TMEM266: variants seen among roughly 807,000 people sequenced by gnomAD.
TMEM266 encodes Hv1 related protein 1.
A neutral mutation model predicts 50.5 loss-of-function variants in TMEM266; 33 were observed. That is an observed-to-expected ratio of 0.65 (90% CI 0.50 to 0.87). TMEM266 has a LOEUF of 0.87. Among genes scored for constraint, TMEM266 ranks in the 40% least tolerant of loss-of-function variants. The pLI, the probability that TMEM266 is intolerant of heterozygous loss-of-function variation, is 0.00. For missense variants in TMEM266, 655 were observed against 695.1 expected (o/e 0.94, Z 0.65); for synonymous variants, 310 against 292.3 (o/e 1.06, Z -0.62).
intron 1 of TMEM266, among the ~76,000 whole-genome samples, chr15:76,072,363 G>A (rs2036550352): frequency 6.6e-6 from 1 of 151,466 alleles, no homozygotes; most frequent in Admixed American, 6.6e-5. Flanking sequence ...TCTTGAACCT[G>A]GGAGGTGGAG....
chr15:76,192,713 G>A (rs945460521), intron 9 of TMEM266, among the ~76,000 whole-genome samples: 2 of 152,234 alleles, frequency 1.3e-5, no homozygotes, highest in African/African-American at 4.8e-5. Flanking sequence ...ATAGCCCAGG[G>A]TAGGGTCCTG....
chr15:76,172,434 G>A (rs912358978), intron 7 of TMEM266, among the ~76,000 whole-genome samples: 1 of 152,210 alleles, frequency 6.6e-6, no homozygotes, highest in Non-Finnish European at 1.5e-5. Flanking sequence ...TTGAAGCCAT[G>A]AGAATATTCC....
intron 5 of TMEM266, among the ~76,000 whole-genome samples, chr15:76,164,206 A>G (rs1025964336): frequency 6.6e-6 from 1 of 151,840 alleles, no homozygotes; most frequent in Non-Finnish European, 1.5e-5. Context: ...AGCACAGCAC[A>G]CTTTCTTTTT....
chr15:76,200,349 C>T (rs573376961), intron 9 of TMEM266, among the ~76,000 whole-genome samples: 11 of 152,288 alleles, frequency 7.2e-5, no homozygotes, highest in African/African-American at 2.4e-4. Context: ...CTGCCTGGCC[C>T]CATCACAATC....
chr15:76,078,157 G>T (rs575326672), intron 1 of TMEM266, among the ~76,000 whole-genome samples: 1 of 152,040 alleles, frequency 6.6e-6, no homozygotes, highest in Admixed American at 6.5e-5. Flanking sequence ...TGAACTTTGT[G>T]GTGCTGGAGA....
intron 4 of TMEM266, among the ~76,000 whole-genome samples, chr15:76,159,592 G>A (rs762015362): frequency 2.6e-5 from 4 of 152,242 alleles, no homozygotes; most frequent in Non-Finnish European, 4.4e-5. Context: ...CGACACCACC[G>A]TCTCTGCCAC....
At chr15:76,198,538 G>T (rs775566520) in intron 9 of TMEM266, among the ~76,000 whole-genome samples, 7 of 152,232 alleles carry the variant, frequency 4.6e-5, no homozygotes, top group Non-Finnish European at 7.3e-5. Context: ...AGGGTGGGCA[G>T]TGAGACTTCC....
At chr15:76,172,611 C>T (rs1189681313) in intron 7 of TMEM266, among the ~76,000 whole-genome samples, 1 of 152,174 alleles carries the variant, frequency 6.6e-6, no homozygotes, top group Non-Finnish European at 1.5e-5. Context: ...CTTCATCAAA[C>T]TGGAATGTGT....
chr15:76,084,187 G>A (rs776762212), intron 1 of TMEM266, among the ~76,000 whole-genome samples: 32 of 152,112 alleles, frequency 2.1e-4, no homozygotes, highest in Admixed American at 4.6e-4. Flanking sequence ...GGTGATACAT[G>A]CCTATAGTCC....
chr15:76,094,102 A>G (rs1290491471), intron 1 of TMEM266, among the ~76,000 whole-genome samples: 1 of 152,090 alleles, frequency 6.6e-6, no homozygotes, highest in Non-Finnish European at 1.5e-5. Flanking sequence ...TTTGCTGTGC[A>G]GAAGCTCTTT....
chr15:76,151,580 C>T (rs2142042985), intron 3 of TMEM266, among the ~76,000 whole-genome samples: 1 of 152,224 alleles, frequency 6.6e-6, no homozygotes, highest in African/African-American at 2.4e-5. Flanking sequence ...TTGCCCCACC[C>T]CACACACATA....
intron 4 of TMEM266, among the ~76,000 whole-genome samples, chr15:76,159,707 G>A (rs1047052172): frequency 1.3e-5 from 2 of 152,132 alleles, no homozygotes; most frequent in African/African-American, 4.8e-5. Context: ...AGCCCATCCA[G>A]CCTCAACTGA....
intron 5 of TMEM266, among the ~76,000 whole-genome samples, chr15:76,169,531 G>A (rs72736834): frequency 0.041 from 6,178 of 152,242 alleles, 189 homozygotes; most frequent in Middle Eastern, 0.095. Context: ...TATGTACAGG[G>A]AGCACTGAAA....
At chr15:76,157,161 A>C (rs1302829811) in intron 4 of TMEM266, among the ~76,000 whole-genome samples, 1 of 152,168 alleles carries the variant, frequency 6.6e-6, no homozygotes, top group Non-Finnish European at 1.5e-5. Flanking sequence ...TGTAGTAACT[A>C]ATTATGACAG....
rs1201435208 is a variant in TMEM266 at position 76,130,672 on chromosome 15, A to G, written c.-96-3496A>G. Among the ~76,000 whole-genome samples, 5 of 152,284 alleles carry G rather than the reference A, an allele frequency of 3.3e-5. No homozygotes were observed. The East Asian group carries it at 7.7e-4, about 23-fold the overall frequency. On this transcript the variant is annotated intron_variant, in intron 1 of 10. Transcript: ENST00000388942. ...GAAACGGCATCTAGGATTTATTCCA[A>G]AACAGTCATGAGTGGTGGAGACAGG...
In TMEM266 at chr15:76,137,271, G is replaced by C. The variant is rs185889981; in HGVS notation, c.39-436G>C. Among the ~76,000 whole-genome samples the C allele has an allele frequency of 2.6e-4, 39 of 152,300 alleles. No homozygotes were observed. The East Asian group carries it at 6.2e-3, about 24-fold the overall frequency. ...AACCTGTTTTCTCTATTGTGGAATA[G>C]AGAATAGAAACATTTCAAAACACCT... On this transcript the variant is annotated intron_variant, in intron 2 of 10. Transcript: ENST00000388942.
chr15:76,204,609 A>T lies in TMEM266; in HGVS notation c.*294A>T, dbSNP rs1030899612. On this transcript the variant is annotated 3_prime_UTR_variant, in exon 11 of 11. Coordinates refer to ENST00000388942, the MANE Select transcript of TMEM266 (RefSeq NM_152335.3). ...CTGTGGCCCAGCTTCAGCAGGGTAG[A>T]GTGTGGGGGGGCCAGCTCAGCCTCT... 1 of 254,212 alleles carries T rather than the reference A, an allele frequency of 3.9e-6. No homozygotes were observed. The highest frequency in any genetic ancestry group is 8.0e-5 in the East Asian group (1 of 12,534). 15.7% of individuals were successfully genotyped at this position (254,212 alleles called of 1,614,324 possible).
At chr15:76,105,890 T>C (rs185974084) in intron 1 of TMEM266, among the ~76,000 whole-genome samples, 16 of 152,328 alleles carry the variant, frequency 1.1e-4, no homozygotes, top group African/African-American at 3.8e-4. Flanking sequence ...AGCAGATTTG[T>C]CAATGGCCAG....
intron 7 of TMEM266, among the ~76,000 whole-genome samples, chr15:76,173,384 A>G (rs1015541402): frequency 2.6e-5 from 4 of 152,144 alleles, no homozygotes; most frequent in African/African-American, 4.8e-5. Context: ...GTGCGGGAAC[A>G]GTGTGAGGAG....
Sources: gnomAD v4.1 joint callset for allele counts (sites outside exome capture counted in the v4.1 genomes callset) on GRCh38, gnomAD v4.1.1 for gene constraint, MANE v1.5 for transcripts, NCBI Gene and HGNC (gene_info 2026-07-23, HGNC 2026-07-21) for gene names.